Variants in CRADD observed in about 807,000 individuals in gnomAD.
CRADD encodes CARD and death domain containing adaptor protein.
In CRADD, 9 loss-of-function variants were observed where a neutral mutation model predicts 15.5. That is an observed-to-expected ratio of 0.58 (90% CI 0.35 to 1.01). The LOEUF (loss-of-function observed/expected upper bound fraction) is 1.01, where lower values mean the gene tolerates loss of function less well. CRADD is among the 50% of genes least tolerant of loss of function. The probability of loss-of-function intolerance (pLI) is 0.02; values close to 1 mark genes in which losing one functional copy is unlikely to be tolerated. For missense variants in CRADD, 227 were observed against 250.3 expected (o/e 0.91, Z 0.63); for synonymous variants, 118 against 107.6 (o/e 1.10, Z -0.60).
chr12:93,807,325 G>A (rs1422519425), intron 2 of CRADD, among the ~76,000 whole-genome samples: 1 of 152,132 alleles, frequency 6.6e-6, no homozygotes, highest in Admixed American at 6.6e-5. Context: ...CAGACTGAAG[G>A]AGAGAATAGG....
chr12:93,763,012 C>T (rs757570810), intron 2 of CRADD, among the ~76,000 whole-genome samples: 2 of 152,200 alleles, frequency 1.3e-5, no homozygotes, highest in African/African-American at 4.8e-5. Context: ...CAACTCTGAA[C>T]CCTCTAGCAC....
intron 2 of CRADD, among the ~76,000 whole-genome samples, chr12:93,893,682 G>A (rs567029302): frequency 2.5e-3 from 374 of 152,228 alleles, no homozygotes; most frequent in African/African-American, 8.6e-3. Flanking sequence ...GAGATGGGCC[G>A]ATCACCTGAG....
intron 2 of CRADD, among the ~76,000 whole-genome samples, chr12:93,864,756 C>T (rs116177876): frequency 0.015 from 2,343 of 152,232 alleles, 64 homozygotes; most frequent in African/African-American, 0.052. Context: ...CCCCTCAGTA[C>T]GGGGAAAGTG....
At chr12:93,863,596 T>TTGTGTGTG (rs1157061528) in intron 2 of CRADD, among the ~76,000 whole-genome samples, 13,333 of 124,620 alleles carry the variant, frequency 0.11, 911 homozygotes, top group East Asian at 0.14. Flanking sequence ...GTGGAGGCAT[T>TTGTGTGTG]TGTGTGTGTG....
rs1404897311 is a variant in CRADD, at chr12:93,824,808, C to T, written c.299-25162C>T. On this transcript the variant is annotated intron_variant, in intron 2 of 2. Coordinates refer to ENST00000332896, the MANE Select transcript of CRADD (RefSeq NM_003805.5). The surrounding 1 kb of genome is among the most constrained non-coding windows in gnomAD (Gnocchi z 4.3). ...CCCTTCTGTCCATGGAATGTGATAG[C>T]CCAGCAGGAGGTAAAAGCTGCCCCT... 6.6e-6 allele frequency among the ~76,000 whole-genome samples: 1 copy of T among 152,150 alleles called. No homozygotes were observed. The highest frequency in any genetic ancestry group is 1.5e-5 in the Non-Finnish European group (1 of 68,028).
At chr12:93,828,071 TTGAG>T (rs1957845506) in intron 2 of CRADD, among the ~76,000 whole-genome samples, 1 of 152,228 alleles carries the variant, frequency 6.6e-6, no homozygotes, top group Non-Finnish European at 1.5e-5. Context: ...GTGAGTGATG[TTGAG>T]TGTCTTTTTA....
At chr12:93,842,699 G>A (rs1424133990) in intron 2 of CRADD, among the ~76,000 whole-genome samples, 2 of 152,012 alleles carry the variant, frequency 1.3e-5, no homozygotes, top group Admixed American at 6.5e-5. Flanking sequence ...TGATAGGCAT[G>A]GCTGAGGGAG....
intron 2 of CRADD, among the ~76,000 whole-genome samples, chr12:93,741,944 G>C (rs1443514018): frequency 2.6e-5 from 4 of 151,864 alleles, no homozygotes; most frequent in Non-Finnish European, 5.9e-5. Context: ...GCTCCACCGC[G>C]TCTCCTCTAC....
At chr12:93,807,332 T>A (rs1957550553) in intron 2 of CRADD, among the ~76,000 whole-genome samples, 1 of 152,008 alleles carries the variant, frequency 6.6e-6, no homozygotes, top group East Asian at 1.9e-4. Flanking sequence ...AAGGAGAGAA[T>A]AGGAATGCTC....
intron 2 of CRADD, among the ~76,000 whole-genome samples, chr12:93,835,622 T>A (rs187508237): frequency 6.6e-6 from 1 of 152,320 alleles, no homozygotes; most frequent in East Asian, 1.9e-4. Flanking sequence ...TCTCTGTAAG[T>A]TTTGCCTTTT....
intron 2 of CRADD, among the ~76,000 whole-genome samples, chr12:93,845,871 T>C (rs1402558011): frequency 6.6e-6 from 1 of 152,228 alleles, no homozygotes; most frequent in East Asian, 1.9e-4. Context: ...TCACATTGTT[T>C]TATAACCAAT....
intron 2 of CRADD, among the ~76,000 whole-genome samples, chr12:93,862,684 G>C (rs1417345240): frequency 1.3e-5 from 2 of 152,176 alleles, no homozygotes; most frequent in African/African-American, 2.4e-5. Flanking sequence ...GAAAACAAAA[G>C]AAATCTCAAC....
chr12:93,697,574 TTTTA>T (rs1213026054), intron 2 of CRADD, among the ~76,000 whole-genome samples: 7 of 151,208 alleles, frequency 4.6e-5, no homozygotes, highest in Middle Eastern at 3.2e-3. Context: ...CGTGTACAAT[TTTTA>T]TTTGTCAGTT....
At chr12:93,873,186 C>A (rs185384348) in intron 2 of CRADD, among the ~76,000 whole-genome samples, 1 of 152,058 alleles carries the variant, frequency 6.6e-6, no homozygotes, top group East Asian at 1.9e-4. Context: ...AATGGGATTA[C>A]TTTTTTCATT....
At chr12:93,882,038 C>T (rs1019111465) in intron 2 of CRADD, among the ~76,000 whole-genome samples, 4 of 151,984 alleles carry the variant, frequency 2.6e-5, no homozygotes, top group Non-Finnish European at 4.4e-5. Flanking sequence ...GCAGGAGAAT[C>T]GCTTGAACCC....
chr12:93,698,093 C>G (rs1168949496), intron 2 of CRADD, among the ~76,000 whole-genome samples: 1 of 152,116 alleles, frequency 6.6e-6, no homozygotes, highest in African/African-American at 2.4e-5. Context: ...GGGTTTACAA[C>G]CTGCTTTAAG....
At position 93,801,828 on chromosome 12, in the gene CRADD, T is replaced by C. The variant is rs548680541; in HGVS notation, c.299-48142T>C. Among the ~76,000 whole-genome samples the C allele has an allele frequency of 3.3e-5, 5 of 152,320 alleles. No homozygotes were observed. In the South Asian group the frequency reaches 1.0e-3, roughly 32 times the overall value. On this transcript the variant is annotated intron_variant, in intron 2 of 2. Transcript: ENST00000332896. ...TGAGCAGGGTACACTGTATCCAGTA[T>C]GTTGTCTTTTATACCTCACCCCCTC...
intron 2 of CRADD, among the ~76,000 whole-genome samples, chr12:93,893,129 A>G (rs896655268): frequency 6.6e-6 from 1 of 152,190 alleles, no homozygotes; most frequent in African/African-American, 2.4e-5. Context: ...TTTTTCTGCC[A>G]GTGTGAACAG....
chr12:93,887,887 A>G (rs1237098998), intron 2 of CRADD, among the ~76,000 whole-genome samples: 1 of 152,232 alleles, frequency 6.6e-6, no homozygotes, highest in East Asian at 1.9e-4. Context: ...TGTAGACTTC[A>G]TGTATAACAT....
Sources: gnomAD v4.1 joint callset for allele counts (sites outside exome capture counted in the v4.1 genomes callset) on GRCh38, gnomAD v4.1.1 for gene constraint, Gnocchi (gnomAD v3.1) non-coding constraint, MANE v1.5 for transcripts, NCBI Gene and HGNC (gene_info 2026-07-23, HGNC 2026-07-21) for gene names.